Variants in LTK observed in about 807,000 individuals in gnomAD.
LTK encodes leukocyte tyrosine kinase receptor.
In LTK, 117 loss-of-function variants were observed where a neutral mutation model predicts 101.5. The ratio of observed to expected loss-of-function variants is 1.15; its 90% CI spans 0.99 to 1.34. The LOEUF is 1.34. LTK is among the 40% of genes most tolerant of loss of function. The pLI is 0.00. For missense variants in LTK, 1,252 were observed against 1,164.7 expected, an observed-to-expected ratio of 1.07 and a Z score of -1.09; for synonymous variants, 563 against 494.2, an observed-to-expected ratio of 1.14 and a Z score of -1.85.
In LTK at chr15:41,511,091, C is replaced by CGGCCTGTA. The variant is rs1048435171; in HGVS notation, c.997+65_997+72dup. ...CCCACACCTATCCTCCCGAGGGCTC[C>CGGCCTGTA]GGCCTGTACTTAGGTTCTAACATCA... On this transcript the variant is annotated intron_variant, in intron 7 of 19. Transcript: ENST00000263800. The surrounding 1 kb of genome is among the most constrained non-coding windows in gnomAD (Gnocchi z 5.9). The CGGCCTGTA allele has an allele frequency of 2.3e-6, 3 of 1,302,058 alleles. No homozygotes were observed. The highest frequency in any genetic ancestry group is 2.9e-6 in the Non-Finnish European group (3 of 1,024,010). The allele number at this position is 1,302,058 out of a possible 1,614,324, so 80.7% of individuals were successfully genotyped here.
intron 4 of LTK, 35 bp downstream of exon 4, chr15:41,512,074 CCCGGCG>C (rs1566874832): frequency 1.3e-6 from 2 of 1,537,974 alleles, no homozygotes; most frequent in South Asian, 1.2e-5. Context: ...AGCCCTCGCC[CCCGGCG>C]CCGGCGCCGC....
At chr15:41,510,546 C>T (rs1416671109) in intron 7 of LTK, among the ~76,000 whole-genome samples, 1 of 151,988 alleles carries the variant, frequency 6.6e-6, no homozygotes, top group Admixed American at 6.6e-5. Flanking sequence ...ACTGCAACCT[C>T]CGCCTCCCAG....
At chr15:41,510,562 A>C (rs1348069303) in intron 7 of LTK, among the ~76,000 whole-genome samples, 1 of 151,614 alleles carries the variant, frequency 6.6e-6, no homozygotes, top group East Asian at 2.0e-4. Context: ...CCCAGGTTCA[A>C]GCAATTCTCC....
At chr15:41,513,600 C>G (rs554748974) in intron 1 of LTK, 67 bp downstream of exon 1, 61 of 1,454,910 alleles carry the variant, frequency 4.2e-5, no homozygotes, top group Non-Finnish European at 5.6e-5. Context: ...GCCTGTTGAC[C>G]GGCCACCCCC....
chr15:41,513,211 G>C (rs1007434474), intron 1 of LTK, 91 bp from the exon 2 acceptor site: 5 of 1,449,962 alleles, frequency 3.4e-6, no homozygotes, highest in Non-Finnish European at 4.6e-6. Flanking sequence ...CTGCCCTTGC[G>C]GTCGCGGCCA....
In LTK at chr15:41,507,149, CAGGACTGGGCCGGGCCA is replaced by C; in HGVS notation, c.1470_1486del (p.Gly491AlafsTer30). On this transcript the variant is annotated frameshift_variant, in exon 11 of 20. Coordinates refer to ENST00000263800, the MANE Select transcript of LTK (RefSeq NM_002344.6). LOFTEE classifies it high-confidence loss of function. ...CTCGGTGACACCTGGTGGCAGAGGC[CAGGACTGGGCCGGGCCA>C]AGCCCCACCTGGCAATAATAGGGAT... The C allele has an allele frequency of 6.2e-7, 1 of 1,613,654 alleles. No homozygotes were observed. The highest frequency in any genetic ancestry group is 8.5e-7 in the Non-Finnish European group (1 of 1,179,926).
At position 41,512,914 on chromosome 15, in the gene LTK, C is replaced by T. The variant is rs1227619270; in HGVS notation, c.188-36G>A. On this transcript the variant is annotated intron_variant, in intron 2 of 19. Transcript: ENST00000263800. The stretch of plus-strand genomic sequence containing the variant: ...GGAGCGAGGCAAGGGTCGTCGAGCC[C>T]CTGGCTGGGCCAGAGGGGTCTGGTA... The T allele has an allele frequency of 3.1e-6, 5 of 1,607,354 alleles. No homozygotes were observed. The South Asian group carries it at 4.4e-5, about 14-fold the overall frequency.
chr15:41,507,097 G>C lies in LTK; in HGVS notation c.1539C>G (p.Leu513=), dbSNP rs779497472. 6.2e-7 allele frequency: 1 copy of C among 1,612,928 alleles called. No homozygotes were observed. The highest frequency in any genetic ancestry group is 1.1e-5 in the South Asian group (1 of 90,978). ...TCAGAAGGAGGCAGAAGACTTACCT[G>C]AGCAGAGTAACATTGGCTGGGGAAA... The part of the protein sequence containing the change: ...TEVSPANVTL[L]RALGHGAFGE... The change falls in exon 11 of 20, where the codon CTC becomes CTG. Residue 513 remains leucine, a splice_region_variant and synonymous_variant. Transcript: ENST00000263800.
rs2051184471 is a variant in LTK at position 41,504,500 on chromosome 15, A to G, written c.2255+6T>C. 6.2e-7 allele frequency: 1 copy of G among 1,613,084 alleles called. No homozygotes were observed. Among genetic ancestry groups the G allele is most frequent in the Non-Finnish European group, 8.5e-7 (1 of 1,179,530 alleles). ...GACCTCCCTTCCCGGGCAGCACTCA[A>G]CTCACACAGGCCCTGGGCAGCCCCT... On this transcript the variant is annotated splice_donor_region_variant and intron_variant, in intron 18 of 19. Coordinates refer to ENST00000263800, the MANE Select transcript of LTK (RefSeq NM_002344.6).
At position 41,512,102 on chromosome 15, in the gene LTK, T is replaced by C; in HGVS notation, c.510+13A>G. ...GGCGCCGGCGCCGCCCCATCCCCAC[T>C]GGCTGCGCTCACTCCGGGACAGGCG... On this transcript the variant is annotated intron_variant, in intron 4 of 19. Coordinates refer to ENST00000263800, the MANE Select transcript of LTK (RefSeq NM_002344.6). 1.3e-6 allele frequency: 2 copies of C among 1,533,516 alleles called. No individual in the cohort carries two copies. Among genetic ancestry groups the C allele is most frequent in the African/African-American group, 2.8e-5 (2 of 71,038 alleles). 95.0% of individuals were successfully genotyped at this position (1,533,516 alleles called of 1,614,324 possible). A position where few individuals can be genotyped will look rare whatever the true frequency, so the allele number is the denominator to read the frequency against.
rs899744147 is a variant in LTK at position 41,504,601 on chromosome 15, G to T, written c.2160C>A (p.Gly720=). 3.7e-6 allele frequency: 6 copies of T among 1,613,734 alleles called. No individual in the cohort carries two copies. The highest frequency in any genetic ancestry group is 5.1e-6 in the Non-Finnish European group (6 of 1,179,990). The change falls in exon 18 of 20, where the codon GGC becomes GGA. Residue 720 remains glycine, a synonymous_variant. Transcript: ENST00000263800. The part of the protein sequence containing the change: ...GVLLWEIFSL[G]YMPYPGRTNQ... ...TGGTGCGCCCAGGATAGGGCATGTA[G>T]CCCAGTGAGAAGATCTCCCAGAGCA...
intron 8 of LTK, 52 bp downstream of exon 8, chr15:41,508,979 G>A (rs2051371624): frequency 6.3e-6 from 8 of 1,272,984 alleles, no homozygotes; most frequent in Middle Eastern, 2.4e-4. Context: ...GTGGGCTCAG[G>A]GACTGCGGAA....
rs1482031147 is a variant in LTK at position 41,511,682 on chromosome 15, CCCCAGCCCAGCCCAGGCCAG to C, written c.657+115_658-105del. On this transcript the variant is annotated intron_variant, in intron 5 of 19. Transcript: ENST00000263800. The surrounding 1 kb of genome is among the most constrained non-coding windows in gnomAD (Gnocchi z 5.9). ...AGGGGGCCTGGATAAGGGCAGGGGCCCCCAGCCCAGCCCAGGCCAGCCCAGCCCAGCGCAGGGATAGGGGG... is the reference window on the plus strand; with the variant it reads ...AGGGGGCCTGGATAAGGGCAGGGGCCCCCAGCCCAGCGCAGGGATAGGGGG... The C allele has an allele frequency of 1.8e-5, 26 of 1,410,852 alleles. No homozygotes were observed. The highest frequency in any genetic ancestry group is 2.4e-5 in the Non-Finnish European group (26 of 1,091,676). The allele number at this position is 1,410,852 out of a possible 1,614,324, so 87.4% of individuals were successfully genotyped here.
chr15:41,504,278 A>G, intron 19 of LTK, 34 bp from the exon 20 acceptor site: 1 of 1,608,762 alleles, frequency 6.2e-7, no homozygotes, highest in Non-Finnish European at 8.5e-7. Flanking sequence ...AGGGGGGCAT[A>G]GAGTTTTCTG....
intron 1 of LTK, 131 bp downstream of exon 1, chr15:41,513,536 C>G (rs924971991): frequency 1.7e-5 from 14 of 837,500 alleles, no homozygotes; most frequent in Non-Finnish European, 2.4e-5. Context: ...AAGCACGGAC[C>G]GGAGAAATTT....
chr15:41,504,174 C>A lies in LTK; in HGVS notation c.2417G>T (p.Gly806Val), dbSNP rs947736859. ...GPTPEEEGTSGLGNRSLECLR... is the reference protein window; with the variant it reads ...GPTPEEEGTSVLGNRSLECLR... Reference sequence around the variant, plus strand: ...GCACTCCAAAGATCTGTTCCCCAGCCCAGAAGTCCCTTCCTCCTCTGGGGT... The same window carrying A: ...GCACTCCAAAGATCTGTTCCCCAGCACAGAAGTCCCTTCCTCCTCTGGGGT... Residue 806 changes from glycine (G) to valine (V), a missense_variant, in exon 20 of 20, where the codon GGG (glycine) becomes GTG (valine). By Grantham distance (109) the Gly-to-Val change is moderately radical. Transcript: ENST00000263800. 6.2e-7 allele frequency: 1 copy of A among 1,613,614 alleles called. No homozygotes were observed. The highest frequency in any genetic ancestry group is 1.1e-5 in the South Asian group (1 of 91,084).
At chr15:41,510,262 G>A (rs1196497933) in intron 7 of LTK, among the ~76,000 whole-genome samples, 9 of 151,878 alleles carry the variant, frequency 5.9e-5, no homozygotes, top group Non-Finnish European at 1.0e-4. Flanking sequence ...CGCCTCCGCC[G>A]CCCAAAGTGT....
rs759844131 is a variant in LTK, at chr15:41,505,544, G to A, written c.1698-14C>T. The A allele has an allele frequency of 7.2e-5, 116 of 1,613,540 alleles. No homozygotes were observed. Among genetic ancestry groups the A allele is most frequent in the South Asian group, 1.8e-4 (16 of 91,018 alleles). On this transcript the variant is annotated splice_polypyrimidine_tract_variant and intron_variant, in intron 13 of 19. Transcript: ENST00000263800. The stretch of plus-strand genomic sequence containing the variant: ...TGGCGAAACTTGCTGAGTGGGGTGG[G>A]GGACATATCCCGTTACCAGGAGGGA...
chr15:41,504,182 C>G lies in LTK; in HGVS notation c.2409G>C (p.Gly803=), dbSNP rs903614437. The G allele has an allele frequency of 2.5e-6, 4 of 1,613,628 alleles. No homozygotes were observed. Among genetic ancestry groups the G allele is most frequent in the Non-Finnish European group, 3.4e-6 (4 of 1,179,750 alleles). ...AAGATCTGTTCCCCAGCCCAGAAGT[C>G]CCTTCCTCCTCTGGGGTGGGCCCCA... ...MELGPTPEEE[G]TSGLGNRSLE... Residue 803 remains glycine (G), a synonymous_variant, in exon 20 of 20, where the codon GGG becomes GGC. Coordinates refer to ENST00000263800, the MANE Select transcript of LTK (RefSeq NM_002344.6).
Sources: allele counts gnomAD v4.1 joint callset (sites outside exome capture counted in the v4.1 genomes callset), GRCh38; gene constraint gnomAD v4.1.1; non-coding constraint Gnocchi (gnomAD v3.1); transcripts MANE v1.5; gene names NCBI Gene and HGNC (gene_info 2026-07-23, HGNC 2026-07-21).